Variants in MACROD2 observed in about 807,000 individuals in gnomAD.
The protein encoded by MACROD2 is ADP-ribose glycohydrolase MACROD2.
Under a neutral mutation model 70.4 loss-of-function variants are expected in MACROD2, and 36 were observed. The ratio of observed to expected loss-of-function variants is 0.51; its 90% confidence interval spans 0.39 to 0.68. The LOEUF is 0.68. Ranked by LOEUF, MACROD2 falls within the 30% of genes least tolerant of loss-of-function variation. The probability of loss-of-function intolerance (pLI) is 0.00; values close to 1 mark genes in which losing one functional copy is unlikely to be tolerated. For missense variants in MACROD2, 496 were observed against 538.4 expected (o/e 0.92, Z 0.78); for synonymous variants, 172 against 178.8 (o/e 0.96, Z 0.30).
chr20:15,288,588 A>G (rs1038395247), intron 6 of MACROD2, among the ~76,000 whole-genome samples: 1 of 152,172 alleles, frequency 6.6e-6, no homozygotes, highest in African/African-American at 2.4e-5. Flanking sequence ...AAGGCAGAAG[A>G]AAGGTGAATT....
At chr20:14,891,686 A>G (rs1460223873) in intron 5 of MACROD2, among the ~76,000 whole-genome samples, 1 of 152,158 alleles carries the variant, frequency 6.6e-6, no homozygotes, top group Non-Finnish European at 1.5e-5. Context: ...TAATACTGCT[A>G]GAACTTGTAG....
At chr20:15,619,268 C>A (rs6079907) in intron 8 of MACROD2, among the ~76,000 whole-genome samples, 1 of 152,158 alleles carries the variant, frequency 6.6e-6, no homozygotes, top group South Asian at 2.1e-4. Context: ...GGGCTGCTAT[C>A]GTCTTTGTTT....
chr20:14,950,003 T>G (rs1023269999), intron 5 of MACROD2, among the ~76,000 whole-genome samples: 5 of 152,202 alleles, frequency 3.3e-5, no homozygotes, highest in African/African-American at 1.2e-4. Flanking sequence ...CAATATTTTT[T>G]TTAGACTATG....
At chr20:14,325,685 C>G in intron 3 of MACROD2, 1 of 1,613,880 alleles carries the variant, frequency 6.2e-7, no homozygotes, top group Non-Finnish European at 8.5e-7. Flanking sequence ...ATTACAAACT[C>G]CTCCTTCGAG....
At chr20:14,486,271 A>T (rs1464669955) in intron 3 of MACROD2, among the ~76,000 whole-genome samples, 1 of 152,184 alleles carries the variant, frequency 6.6e-6, no homozygotes, top group Non-Finnish European at 1.5e-5. Context: ...CTTTCAAGGG[A>T]CATAGTCCAT....
chr20:15,681,863 T>C (rs2050163909), intron 8 of MACROD2, among the ~76,000 whole-genome samples: 1 of 152,188 alleles, frequency 6.6e-6, no homozygotes, highest in African/African-American at 2.4e-5. Context: ...TTACTAGAGA[T>C]CGTAGAGTGG....
chr20:15,050,454 A>G (rs1190043141), intron 5 of MACROD2, among the ~76,000 whole-genome samples: 1 of 152,046 alleles, frequency 6.6e-6, no homozygotes, highest in Non-Finnish European at 1.5e-5. Flanking sequence ...CATATATAAA[A>G]AGTAACATAA....
At chr20:14,706,514 G>C (rs1414859190) in intron 5 of MACROD2, among the ~76,000 whole-genome samples, 1 of 152,000 alleles carries the variant, frequency 6.6e-6, no homozygotes, top group Non-Finnish European at 1.5e-5. Flanking sequence ...TATTTTATGA[G>C]TTTAAAAATT....
intron 8 of MACROD2, among the ~76,000 whole-genome samples, chr20:15,706,649 C>T (rs1054745311): frequency 3.3e-5 from 5 of 152,014 alleles, no homozygotes; most frequent in Admixed American, 6.6e-5. Context: ...ATGAGGAAAC[C>T]GAATCCCAAA....
intron 2 of MACROD2, among the ~76,000 whole-genome samples, chr20:14,007,095 C>T (rs967870259): frequency 1.1e-4 from 16 of 152,122 alleles, no homozygotes; most frequent in Non-Finnish European, 2.1e-4. Context: ...AGCAGCCATT[C>T]GTGATTATTG....
chr20:14,515,465 G>GCACGCGCACACACA (rs2085084872), intron 4 of MACROD2, among the ~76,000 whole-genome samples: 1 of 127,066 alleles, frequency 7.9e-6, no homozygotes, highest in African/African-American at 3.1e-5. Context: ...ACACACACAC[G>GCACGCGCACACACA]CACACACACA....
chr20:14,514,045 C>G (rs2085060445), intron 4 of MACROD2, among the ~76,000 whole-genome samples: 1 of 152,102 alleles, frequency 6.6e-6, no homozygotes, highest in South Asian at 2.1e-4. Flanking sequence ...TGATTTAAGG[C>G]TTCTCTTTCT....
intron 5 of MACROD2, among the ~76,000 whole-genome samples, chr20:15,148,807 G>T (rs1440831584): frequency 6.6e-6 from 1 of 152,036 alleles, no homozygotes; most frequent in Non-Finnish European, 1.5e-5. Flanking sequence ...TGAGCTTGGT[G>T]AGGTGTGTTT....
At chr20:14,327,284 T>C (rs1206184404) in intron 3 of MACROD2, 1 of 1,613,718 alleles carries the variant, frequency 6.2e-7, no homozygotes, top group Non-Finnish European at 8.5e-7. Context: ...TCTGAAGGAA[T>C]CCCAGCATTA....
chr20:15,474,751 G>A (rs2047000093), intron 7 of MACROD2, among the ~76,000 whole-genome samples: 1 of 152,144 alleles, frequency 6.6e-6, no homozygotes. Flanking sequence ...CGTTCTTAGG[G>A]GTCAGAGTGG....
chr20:15,230,140 T>C, intron 6 of MACROD2, 79 bp downstream of exon 6: 4 of 1,377,060 alleles, frequency 2.9e-6, no homozygotes, highest in Non-Finnish European at 3.9e-6. Flanking sequence ...TAAAGAGAGG[T>C]AGGAAACCAT....
chr20:16,049,849 G>A lies in MACROD2; in HGVS notation c.1320G>A (p.Ala440=), dbSNP rs769022235. The A allele has an allele frequency of 2.7e-5, 43 of 1,594,290 alleles. No individual in the cohort carries two copies. The highest frequency in any genetic ancestry group is 1.7e-4 in the Middle Eastern group (1 of 5,996). Residue 440 remains alanine, a synonymous_variant, in exon 18 of 18, where the codon GCG becomes GCA. Transcript: ENST00000684519. ...CTTCAGCAGGGGCACAAGATGAAGC[G>A]AAGGAACAAAGAAATGGAACTAAAT... is the stretch of plus-strand genomic sequence containing the variant. The part of the protein sequence containing the change: ...DQLIAGAQDE[A]KEQRNGTK
At chr20:15,437,434 A>T (rs1202527304) in intron 7 of MACROD2, among the ~76,000 whole-genome samples, 1 of 152,094 alleles carries the variant, frequency 6.6e-6, no homozygotes, top group Non-Finnish European at 1.5e-5. Context: ...TACCATCACC[A>T]CCAGTGTTGT....
chr20:14,144,766 G>A (rs1193374652), intron 3 of MACROD2, among the ~76,000 whole-genome samples: 6 of 152,130 alleles, frequency 3.9e-5, no homozygotes, highest in African/African-American at 1.4e-4. Context: ...GATAGTTGAG[G>A]GTGGGGAGAG....
Sources: gnomAD v4.1 joint callset for allele counts (sites outside exome capture counted in the v4.1 genomes callset) on GRCh38, gnomAD v4.1.1 for gene constraint, MANE v1.5 for transcripts, NCBI Gene and HGNC (gene_info 2026-07-23, HGNC 2026-07-21) for gene names.